ST18: variants seen among roughly 807,000 people sequenced by gnomAD.
ST18 encodes the protein suppression of tumorigenicity 18 protein.
Under a neutral mutation model 110.0 loss-of-function variants are expected in ST18, and 50 were observed. The ratio of observed to expected loss-of-function variants is 0.45; its 90% CI spans 0.36 to 0.58. ST18 has a LOEUF of 0.58. ST18 is among the 20% of genes least tolerant of loss of function. The pLI is 0.00. For missense variants in ST18, 1,306 were observed against 1,280.1 expected, an observed-to-expected ratio of 1.02 and a Z score of -0.31; for synonymous variants, 461 against 452.4, an observed-to-expected ratio of 1.02 and a Z score of -0.24.
chr8:52,185,763 A>G (rs1183582614), intron 8 of ST18, among the ~76,000 whole-genome samples: 2 of 152,220 alleles, frequency 1.3e-5, no homozygotes, highest in Non-Finnish European at 2.9e-5. Flanking sequence ...AGTGTACACA[A>G]TAAACTCCAG....
chr8:52,206,509 C>T (rs923261539), intron 8 of ST18: 5 of 152,224 alleles, frequency 3.3e-5, no homozygotes, highest in South Asian at 2.1e-4. Flanking sequence ...GGTGTGAGGC[C>T]TCCAGCCTCA....
At chr8:52,215,771 T>A (rs1445280006) in intron 6 of ST18, among the ~76,000 whole-genome samples, 1 of 152,212 alleles carries the variant, frequency 6.6e-6, no homozygotes, top group Non-Finnish European at 1.5e-5. Context: ...GATGTGACAC[T>A]GCCTAAGATG....
intron 2 of ST18, among the ~76,000 whole-genome samples, chr8:52,365,053 G>A (rs1381274648): frequency 6.6e-6 from 1 of 151,938 alleles, no homozygotes; most frequent in Non-Finnish European, 1.5e-5. Flanking sequence ...GGCAGAGGTT[G>A]CAGTGAGCTG....
chr8:52,133,199 C>A, intron 20 of ST18, 40 bp downstream of exon 20: 2 of 1,614,158 alleles, frequency 1.2e-6, no homozygotes, highest in Non-Finnish European at 1.7e-6. Flanking sequence ...CTGCTGCCGA[C>A]AAGCTCATTT....
intron 2 of ST18, among the ~76,000 whole-genome samples, chr8:52,326,885 C>A (rs1268698914): frequency 6.6e-6 from 1 of 152,186 alleles, no homozygotes; most frequent in African/African-American, 2.4e-5. Flanking sequence ...ACAGGGCTGG[C>A]AGCAGCCAAT....
At chr8:52,217,463 G>T (rs1020485612) in intron 6 of ST18, among the ~76,000 whole-genome samples, 1 of 152,088 alleles carries the variant, frequency 6.6e-6, no homozygotes, top group Admixed American at 6.6e-5. Flanking sequence ...TGTGGTTCTT[G>T]CTCAGTCTCT....
intron 8 of ST18, among the ~76,000 whole-genome samples, chr8:52,182,349 C>G (rs973432544): frequency 6.6e-6 from 1 of 152,128 alleles, no homozygotes; most frequent in Admixed American, 6.5e-5. Flanking sequence ...CATTGAATTT[C>G]TATGTTCATT....
chr8:52,332,515 G>C (rs987920675), intron 2 of ST18, among the ~76,000 whole-genome samples: 77 of 132,668 alleles, frequency 5.8e-4, no homozygotes, highest in African/African-American at 2.0e-3. Context: ...ACTTTCCCAA[G>C]AGCATCTAAT....
intron 20 of ST18, 28 bp from the exon 21 acceptor site, chr8:52,133,165 A>T (rs1402804846): frequency 2.5e-6 from 4 of 1,614,218 alleles, no homozygotes; most frequent in Non-Finnish European, 3.4e-6. Flanking sequence ...CAAAGAACAA[A>T]GCAAAATTAT....
intron 2 of ST18, among the ~76,000 whole-genome samples, chr8:52,288,188 G>T (rs1488888578): frequency 6.6e-6 from 1 of 152,116 alleles, no homozygotes. Context: ...TTCATCCCTT[G>T]GTATTACCCT....
At chr8:52,159,540 G>A (rs1376528316) in intron 14 of ST18, among the ~76,000 whole-genome samples, 2 of 152,146 alleles carry the variant, frequency 1.3e-5, no homozygotes, top group Non-Finnish European at 2.9e-5. Flanking sequence ...AAAAAAATGT[G>A]TCCTTTCAAT....
intron 2 of ST18, among the ~76,000 whole-genome samples, chr8:52,324,104 C>T (rs1177091510): frequency 1.3e-5 from 2 of 152,216 alleles, no homozygotes; most frequent in Non-Finnish European, 2.9e-5. Context: ...ACAATGGGTC[C>T]CTGGAGAGTT....
chr8:52,364,590 A>G (rs1231745197), intron 2 of ST18, among the ~76,000 whole-genome samples: 1 of 152,244 alleles, frequency 6.6e-6, no homozygotes, highest in African/African-American at 2.4e-5. Context: ...CTCTATTATC[A>G]TTATGACCAA....
At chr8:52,343,429 A>G (rs949991867) in intron 2 of ST18, among the ~76,000 whole-genome samples, 6 of 152,128 alleles carry the variant, frequency 3.9e-5, no homozygotes, top group African/African-American at 1.4e-4. Context: ...GAATGTACCA[A>G]CCATAGACGT....
chr8:52,172,045 C>T lies in ST18; in HGVS notation c.816G>A (p.Gln272=), dbSNP rs575480724. 5.5e-5 allele frequency: 89 copies of T among 1,614,236 alleles called. No individual in the cohort carries two copies. The South Asian group carries it at 9.3e-4, about 17-fold the overall frequency. Residue 272 remains glutamine (Q), a synonymous_variant, in exon 10 of 26, where the codon CAG becomes CAA. Transcript: ENST00000689386. The stretch of plus-strand genomic sequence containing the variant: ...CCTCCTCAACGTCAGGGAATGAGGG[C>T]TGGGCATTGCCATCCAGGGGTTCTG... ...ALAEPLDGNA[Q]PSFPDVEEED... is the part of the protein sequence containing the mutation.
At chr8:52,311,496 T>C (rs921456005) in intron 2 of ST18, among the ~76,000 whole-genome samples, 4 of 152,232 alleles carry the variant, frequency 2.6e-5, no homozygotes, top group African/African-American at 7.2e-5. Context: ...TAAGGCTTCA[T>C]TGAAGGCATT....
At chr8:52,333,981 A>C (rs1378524764) in intron 2 of ST18, among the ~76,000 whole-genome samples, 1 of 152,314 alleles carries the variant, frequency 6.6e-6, no homozygotes, top group East Asian at 1.9e-4. Context: ...CCCAGGAGAG[A>C]CACCTGTCAG....
chr8:52,161,180 C>T (rs979771652), intron 14 of ST18, among the ~76,000 whole-genome samples, 195 bp downstream of exon 14: 2 of 152,128 alleles, frequency 1.3e-5, no homozygotes, highest in African/African-American at 4.8e-5. Flanking sequence ...TTATGTGTAA[C>T]TTCAGCATAA....
intron 2 of ST18, among the ~76,000 whole-genome samples, chr8:52,334,924 C>T (rs186774891): frequency 1.6e-4 from 25 of 152,232 alleles, no homozygotes; most frequent in East Asian, 3.9e-4. Flanking sequence ...CTGTCACCAC[C>T]GTCCCTTTTC....
Sources: allele counts gnomAD v4.1 joint callset (sites outside exome capture counted in the v4.1 genomes callset), GRCh38; gene constraint gnomAD v4.1.1; transcripts MANE v1.5; gene names NCBI Gene and HGNC (gene_info 2026-07-23, HGNC 2026-07-21).